The following ECE1 variants were observed in gnomAD, a reference collection of about 807,000 sequenced individuals.
ECE1 encodes the protein endothelin-converting enzyme 1.
ECE1 carries 35 observed loss-of-function variants against 98.6 expected under a neutral mutation model. That is an observed-to-expected ratio of 0.35 (90% CI 0.27 to 0.47). ECE1 has a LOEUF of 0.47. ECE1 is among the 20% of genes least tolerant of loss of function. ECE1 has a pLI of 1.00. For synonymous variants in ECE1, 394 were observed against 407.1 expected, an observed-to-expected ratio of 0.97 and a Z score of 0.39; for missense variants, 814 against 1,025.3, an observed-to-expected ratio of 0.79 and a Z score of 2.81.
chr1:21,323,616 C>A (rs1639009411), intron 1 of ECE1, among the ~76,000 whole-genome samples: 1 of 148,306 alleles, frequency 6.7e-6, no homozygotes. Context: ...GGAGTGGCAC[C>A]CCGTCCCAAA....
intron 1 of ECE1, among the ~76,000 whole-genome samples, chr1:21,338,027 T>G (rs989642734): frequency 2.6e-5 from 4 of 152,198 alleles, no homozygotes; most frequent in African/African-American, 7.2e-5. Flanking sequence ...AAAGAGCTGC[T>G]GAGGAAATGA....
At chr1:21,257,269 C>T (rs189189818) in intron 7 of ECE1, among the ~76,000 whole-genome samples, 1 of 152,208 alleles carries the variant, frequency 6.6e-6, no homozygotes, top group East Asian at 1.9e-4. Context: ...ATTGTGGTAG[C>T]TGTTATTGCT....
In ECE1 at chr1:21,290,119, T is replaced by C; in HGVS notation, c.89A>G (p.Asp30Gly). 2 of 1,557,126 alleles carry C rather than the reference T, an allele frequency of 1.3e-6. No homozygotes were observed. The highest frequency in any genetic ancestry group is 1.7e-6 in the Non-Finnish European group (2 of 1,152,510). ...TYKRATLDEE[D>G]LVDSLSEGDA... ...GCCCTCGGAGAGCGAGTCCACCAGG[T>C]CCTCCTCGTCCAGCGTGGCCCGCTT... Residue 30 changes from aspartate (D) to glycine (G), a missense_variant, in exon 2 of 19, where the codon GAC becomes GGC. Physicochemically the swap from Asp to Gly is moderately conservative, Grantham distance 94. Coordinates refer to ENST00000374893, the MANE Select transcript of ECE1 (RefSeq NM_001397.3). The surrounding 1 kb of genome is among the most constrained non-coding windows in gnomAD (Gnocchi z 7.3).
rs750999170 is a variant in ECE1 at position 21,233,223 on chromosome 1, C to G, written c.1670+335G>C. 11 of 265,582 alleles carry G rather than the reference C, an allele frequency of 4.1e-5. No individual in the cohort carries two copies. The highest frequency in any genetic ancestry group is 8.2e-5 in the Non-Finnish European group (11 of 134,390). The allele number at this position is 265,582 out of a possible 1,614,324, so 16.5% of individuals were successfully genotyped here. A position where few individuals can be genotyped will look rare whatever the true frequency, so the allele number is the denominator to read the frequency against. On this transcript the variant is annotated intron_variant, in intron 14 of 18. Transcript: ENST00000374893. This position sits in a 1 kb window ranked among gnomAD's most constrained non-coding sequence, Gnocchi z 4.0. ...CATGAGGACCCCAGAACCAGCTCCT[C>G]CCATCCTATTCTGCGGAAAATGAAA...
At chr1:21,344,848 G>A (rs1204107397) in intron 1 of ECE1, 2 of 152,748 alleles carry the variant, frequency 1.3e-5, no homozygotes, top group Non-Finnish European at 2.9e-5. Flanking sequence ...GCCACAGCTG[G>A]ATCAGCAGTC....
intron 1 of ECE1, among the ~76,000 whole-genome samples, chr1:21,334,835 C>T (rs1369631812): frequency 6.6e-6 from 1 of 152,190 alleles, no homozygotes; most frequent in African/African-American, 2.4e-5. Flanking sequence ...AAACCTACGC[C>T]TCCTCAGCCT....
intron 9 of ECE1, among the ~76,000 whole-genome samples, chr1:21,246,343 T>C (rs1177187220): frequency 6.6e-6 from 1 of 151,630 alleles, no homozygotes; most frequent in Non-Finnish European, 1.5e-5. Context: ...CTACTAAAAA[T>C]ACAAACATTA....
chr1:21,222,039 C>T (rs112499367), intron 17 of ECE1, 197 bp from the exon 18 acceptor site: 14 of 621,488 alleles, frequency 2.3e-5, no homozygotes, highest in African/African-American at 3.7e-5. Flanking sequence ...ACCTTCTACG[C>T]ACTGATGGCT....
rs374398154 is a variant in ECE1 at position 21,238,155 on chromosome 1, G to A, written c.1368C>T (p.Phe456=). ...ALGPMFVKAT[F]AEDSKSIATE... The stretch of plus-strand genomic sequence containing the variant: ...TTACTATGCTCTTGCTGTCCTCGGC[G>A]AAGGTTGCTTTGACAAACATGGGGC... The change falls in exon 11 of 19, where the codon TTC becomes TTT. Residue 456 remains phenylalanine, a synonymous_variant. Transcript: ENST00000374893. 4.3e-6 allele frequency: 7 copies of A among 1,614,126 alleles called. No individual in the cohort carries two copies. Among genetic ancestry groups the A allele is most frequent in the African/African-American group, 1.3e-5 (1 of 74,942 alleles).
chr1:21,276,243 C>G lies in ECE1; in HGVS notation c.280+2948G>C, dbSNP rs545606317. ...GTTTCACCATGTTGGCCAGGCTGGT[C>G]TTGAACTCTTGACCTCAGGTGATCC... On this transcript the variant is annotated intron_variant, in intron 3 of 18. Transcript: ENST00000374893. Among the ~76,000 whole-genome samples, 141 of 152,168 alleles carry G rather than the reference C, an allele frequency of 9.3e-4. 1 individual carries two copies. The highest frequency in any genetic ancestry group is 3.3e-3 in the African/African-American group (136 of 41,506).
intron 1 of ECE1, among the ~76,000 whole-genome samples, chr1:21,332,560 A>AGTTCAAG (rs1639219089): frequency 9.7e-6 from 1 of 103,320 alleles, no homozygotes; most frequent in Admixed American, 1.2e-4. Context: ...GCTGGGCCAG[A>AGTTCAAG]GCTTGAACTC....
At chr1:21,254,150 C>T (rs2098216903) in intron 8 of ECE1, among the ~76,000 whole-genome samples, 1 of 151,612 alleles carries the variant, frequency 6.6e-6, no homozygotes, top group South Asian at 2.1e-4. Flanking sequence ...TTCTGGCACA[C>T]AGCTGGGGTG....
rs3061092 is a variant in ECE1, at chr1:21,285,990, CAAA to C, written c.138+4077_138+4079del. ...CTGGACAACAAGCAAGACTCTGTCT[CAAA>C]AAAAAAAAAAAAAAAGAGAAGAGAA... On this transcript the variant is annotated intron_variant, in intron 2 of 18. Coordinates refer to ENST00000374893, the MANE Select transcript of ECE1 (RefSeq NM_001397.3). Among the ~76,000 whole-genome samples, 40 of 68,890 alleles carry C rather than the reference CAAA, an allele frequency of 5.8e-4. No individual in the cohort carries two copies. In the East Asian group the frequency reaches 5.9e-3, roughly 10 times the overall value. 45.2% of individuals were successfully genotyped at this position (68,890 alleles called of 152,430 possible). A position where few individuals can be genotyped will look rare whatever the true frequency, so the allele number is the denominator to read the frequency against.
At chr1:21,261,115 C>T (rs1268351334) in intron 4 of ECE1, among the ~76,000 whole-genome samples, 2 of 152,194 alleles carry the variant, frequency 1.3e-5, no homozygotes, top group Non-Finnish European at 1.5e-5. Context: ...CACTCAGGTC[C>T]ACAAGGGACC....
chr1:21,287,580 G>A (rs1367835427), intron 2 of ECE1, among the ~76,000 whole-genome samples: 2 of 152,146 alleles, frequency 1.3e-5, no homozygotes, highest in Non-Finnish European at 2.9e-5. Flanking sequence ...TGTGTCGCTA[G>A]CAACCGGCCC....
intron 10 of ECE1, among the ~76,000 whole-genome samples, chr1:21,238,612 G>A (rs1055323056): frequency 1.3e-5 from 2 of 152,144 alleles, no homozygotes; most frequent in Non-Finnish European, 2.9e-5. Flanking sequence ...GAACTGAGAC[G>A]TGCCTGACTC....
intron 9 of ECE1, among the ~76,000 whole-genome samples, chr1:21,245,760 G>T (rs1391568544): frequency 1.3e-5 from 2 of 152,154 alleles, no homozygotes; most frequent in South Asian, 4.1e-4. Context: ...CATGAAAAAT[G>T]ATGTTTGCAG....
intron 17 of ECE1, chr1:21,222,060 C>T (rs1558362581): frequency 1.7e-6 from 1 of 589,070 alleles, no homozygotes; most frequent in East Asian, 2.9e-5. Context: ...CTCACATTTA[C>T]ACCTTCTGCT....
chr1:21,247,470 G>T, intron 8 of ECE1, 107 bp from the exon 9 acceptor site: 1 of 1,541,992 alleles, frequency 6.5e-7, no homozygotes, highest in Non-Finnish European at 8.9e-7. Context: ...TGGGCTTGGC[G>T]CCATCTGACA....
Sources: gnomAD v4.1 joint callset for allele counts (sites outside exome capture counted in the v4.1 genomes callset) on GRCh38, gnomAD v4.1.1 for gene constraint, Gnocchi (gnomAD v3.1) non-coding constraint, MANE v1.5 for transcripts, NCBI Gene and HGNC (gene_info 2026-07-23, HGNC 2026-07-21) for gene names.